The following GALNT17 variants were observed in gnomAD, a reference collection of about 807,000 sequenced individuals.
GALNT17 encodes the protein UDP-GalNAc:polypeptide N-acetylgalactosaminyltransferase-like 3.
GALNT17 carries 29 observed loss-of-function variants against 63.7 expected under a neutral mutation model. That is an observed-to-expected ratio of 0.46 (90% confidence interval 0.34 to 0.62). The LOEUF (loss-of-function observed/expected upper bound fraction) is 0.62, where lower values mean the gene tolerates loss of function less well. Among genes scored for constraint, GALNT17 ranks in the 20% least tolerant of loss-of-function variants. GALNT17 has a pLI of 0.01. For synonymous variants in GALNT17, 305 were observed against 318.3 expected (o/e 0.96, Z 0.45); for missense variants, 603 against 799.6 (o/e 0.75, Z 2.97).
chr7:71,437,779 A>G (rs554090613), intron 5 of GALNT17, among the ~76,000 whole-genome samples: 2 of 152,306 alleles, frequency 1.3e-5, no homozygotes, highest in East Asian at 1.9e-4. Context: ...CAGTGGTGCA[A>G]TCATAGCTCA....
At chr7:71,242,301 A>T (rs1455620927) in intron 1 of GALNT17, among the ~76,000 whole-genome samples, 2 of 119,280 alleles carry the variant, frequency 1.7e-5, no homozygotes, top group African/African-American at 6.7e-5. Flanking sequence ...ACAGAGTCTC[A>T]CTCTGTCGCC....
At chr7:71,149,367 C>G (rs1460485383) in intron 1 of GALNT17, among the ~76,000 whole-genome samples, 2 of 152,156 alleles carry the variant, frequency 1.3e-5, no homozygotes, top group Non-Finnish European at 2.9e-5. Flanking sequence ...CCAGAGGCAC[C>G]TACCAGCTGC....
chr7:71,257,039 G>A (rs150588301), intron 1 of GALNT17, among the ~76,000 whole-genome samples: 17 of 152,278 alleles, frequency 1.1e-4, no homozygotes, highest in African/African-American at 3.4e-4. Context: ...GTGGCTGAGC[G>A]GCCTCTGTGT....
At chr7:71,437,517 G>C (rs555059154) in intron 5 of GALNT17, among the ~76,000 whole-genome samples, 1 of 152,162 alleles carries the variant, frequency 6.6e-6, no homozygotes, top group Non-Finnish European at 1.5e-5. Flanking sequence ...AAGGTGACAC[G>C]GGATATCACT....
chr7:71,528,515 T>A (rs1292653206), intron 5 of GALNT17, among the ~76,000 whole-genome samples: 2 of 152,196 alleles, frequency 1.3e-5, no homozygotes, highest in Non-Finnish European at 2.9e-5. Context: ...CTGCTCCATG[T>A]GTCTTCTCAT....
intron 5 of GALNT17, among the ~76,000 whole-genome samples, chr7:71,512,910 C>T (rs1174409404): frequency 1.3e-5 from 2 of 152,204 alleles, no homozygotes; most frequent in Non-Finnish European, 2.9e-5. Context: ...TCCTTTAGCT[C>T]CAACCTGGCC....
chr7:71,256,930 G>T (rs935100888), intron 1 of GALNT17, among the ~76,000 whole-genome samples: 94 of 152,152 alleles, frequency 6.2e-4, no homozygotes, highest in Non-Finnish European at 2.6e-4. Context: ...CAGAGGTAGA[G>T]AACATTTTTG....
intron 6 of GALNT17, among the ~76,000 whole-genome samples, chr7:71,575,126 A>G (rs577616264): frequency 6.6e-6 from 1 of 152,306 alleles, no homozygotes; most frequent in East Asian, 1.9e-4. Flanking sequence ...CTTCTGAGAC[A>G]ATACTACTTC....
intron 2 of GALNT17, among the ~76,000 whole-genome samples, chr7:71,387,279 C>A (rs1792963110): frequency 7.1e-6 from 1 of 141,724 alleles, no homozygotes; most frequent in African/African-American, 2.5e-5. Context: ...GCAAAACCCG[C>A]AATTACTTTT....
chr7:71,648,322 G>T (rs1562722031), intron 6 of GALNT17, among the ~76,000 whole-genome samples: 1 of 150,482 alleles, frequency 6.6e-6, no homozygotes, highest in Non-Finnish European at 1.5e-5. Context: ...CCAGGCTGGA[G>T]TACAGTGGCT....
At position 71,491,557 on chromosome 7, in the gene GALNT17, G is replaced by T. The variant is rs373078318; in HGVS notation, c.962+70452G>T. On this transcript the variant is annotated intron_variant, in intron 5 of 10. Transcript: ENST00000333538. The stretch of plus-strand genomic sequence containing the variant: ...TATCTGTGCAGTGGAGAGAGGCAGG[G>T]TTCCCATATCAGCCCGGATAGGTTA... Among the ~76,000 whole-genome samples, 44 of 152,272 alleles carry T rather than the reference G, an allele frequency of 2.9e-4. 5 individuals are homozygous for T. The East Asian group carries it at 2.9e-3, about 10-fold the overall frequency.
rs549774661 is a variant in GALNT17, at chr7:71,234,762, C to G, written c.239-100788C>G. Among the ~76,000 whole-genome samples, 104 of 152,220 alleles carry G rather than the reference C, an allele frequency of 6.8e-4. 2 individuals are homozygous for G. The highest frequency in any genetic ancestry group is 3.7e-3 in the South Asian group (18 of 4,814). ...CAGTGCTGAACCAGATGCGTTATTT[C>G]CACTGTTCAAGCAGGTTTCCATATT... On this transcript the variant is annotated intron_variant, in intron 1 of 10. Coordinates refer to ENST00000333538, the MANE Select transcript of GALNT17 (RefSeq NM_022479.3).
At chr7:71,328,973 G>A (rs1424379217) in intron 1 of GALNT17, among the ~76,000 whole-genome samples, 1 of 152,124 alleles carries the variant, frequency 6.6e-6, no homozygotes, top group Non-Finnish European at 1.5e-5. Flanking sequence ...GCTGCCCAGG[G>A]GGTTGTGCTA....
At chr7:71,215,618 C>A (rs1265284423) in intron 1 of GALNT17, among the ~76,000 whole-genome samples, 1 of 152,036 alleles carries the variant, frequency 6.6e-6, no homozygotes, top group African/African-American at 2.4e-5. Context: ...CCACAGACAC[C>A]CTTGTTCGTC....
chr7:71,357,696 C>T (rs925397082), intron 2 of GALNT17, among the ~76,000 whole-genome samples: 12 of 152,038 alleles, frequency 7.9e-5, no homozygotes, highest in African/African-American at 2.4e-4. Context: ...CATTTGAGGT[C>T]GGGAGTTCGA....
intron 5 of GALNT17, among the ~76,000 whole-genome samples, chr7:71,445,992 T>C (rs1787154698): frequency 6.6e-6 from 1 of 152,240 alleles, no homozygotes. Flanking sequence ...TGTAGTCGTT[T>C]CTGAGAAACG....
intron 1 of GALNT17, among the ~76,000 whole-genome samples, chr7:71,271,033 C>T (rs1790579233): frequency 6.6e-6 from 1 of 151,992 alleles, no homozygotes; most frequent in South Asian, 2.1e-4. Context: ...CTTCCATTTA[C>T]ACTTATATAA....
chr7:71,666,488 C>A (rs1037544790), intron 7 of GALNT17, among the ~76,000 whole-genome samples: 5 of 151,634 alleles, frequency 3.3e-5, no homozygotes, highest in Admixed American at 3.3e-4. Context: ...TTTGTAAGAT[C>A]CTGGTGCAAC....
intron 1 of GALNT17, among the ~76,000 whole-genome samples, chr7:71,234,145 C>G (rs770992797): frequency 2.0e-5 from 3 of 152,184 alleles, no homozygotes; most frequent in Non-Finnish European, 4.4e-5. Flanking sequence ...ACACTTCTTG[C>G]TTTGGGTGGT....
Sources: allele counts gnomAD v4.1 joint callset (sites outside exome capture counted in the v4.1 genomes callset), GRCh38; gene constraint gnomAD v4.1.1; transcripts MANE v1.5; gene names NCBI Gene and HGNC (gene_info 2026-07-23, HGNC 2026-07-21).